The following GLRA1 variants were observed in gnomAD, a reference collection of about 807,000 sequenced individuals.
The protein encoded by GLRA1 is glycine receptor subunit alpha-1.
GLRA1 carries 37 observed loss-of-function variants against 48.3 expected under a neutral mutation model. The ratio of observed to expected loss-of-function variants is 0.77; its 90% CI spans 0.59 to 1.01. GLRA1 has a LOEUF of 1.01. Among genes scored for constraint, GLRA1 ranks in the 50% least tolerant of loss-of-function variants. The probability of loss-of-function intolerance (pLI) is 0.00; values close to 1 mark genes in which losing one functional copy is unlikely to be tolerated. For synonymous variants in GLRA1, 196 were observed against 210.7 expected (o/e 0.93, Z 0.60); for missense variants, 427 against 571.0 (o/e 0.75, Z 2.57).
intron 6 of GLRA1, among the ~76,000 whole-genome samples, chr5:151,854,617 C>A (rs1189947287): frequency 6.6e-6 from 1 of 152,206 alleles, no homozygotes; most frequent in Non-Finnish European, 1.5e-5. Context: ...GCAAGTGAAC[C>A]CTTTCTAGCT....
chr5:151,854,637 C>T (rs1752989225), intron 6 of GLRA1, among the ~76,000 whole-genome samples: 1 of 152,204 alleles, frequency 6.6e-6, no homozygotes, highest in African/African-American at 2.4e-5. Context: ...TATTTACTAA[C>T]CTTCAGTGAC....
chr5:151,914,019 C>G (rs1334725715), intron 1 of GLRA1, among the ~76,000 whole-genome samples: 1 of 152,202 alleles, frequency 6.6e-6, no homozygotes, highest in Non-Finnish European at 1.5e-5. Flanking sequence ...TCAAACATAT[C>G]TCCCTATGCT....
In GLRA1 at chr5:151,822,921, C is replaced by T; in HGVS notation, c.1102G>A (p.Gly368Arg). 2 of 1,612,458 alleles carry T rather than the reference C, an allele frequency of 1.2e-6. No homozygotes were observed. Among genetic ancestry groups the T allele is most frequent in the Non-Finnish European group, 1.7e-6 (2 of 1,178,766 alleles). ...GEGRFNFSAY[G>R]MGPACLQAKD... ...GCCTGTAGACAGGCTGGGCCCATCC[C>T]ATAGGCAGAGAAGTTAAAGCGGCCT... The change falls in exon 9 of 9, where the codon GGG becomes AGG. Residue 368 changes from glycine (G) to arginine (R), a missense_variant. By Grantham distance (125) the Gly-to-Arg change is moderately radical (BLOSUM62 -2). This residue lies in a region of GLRA1 where 4 missense variants were observed against 17.6 expected (regional missense o/e 0.23). Coordinates refer to ENST00000274576, the MANE Select transcript of GLRA1 (RefSeq NM_000171.4).
intron 3 of GLRA1, among the ~76,000 whole-genome samples, chr5:151,871,109 C>T (rs572599280): frequency 6.7e-6 from 1 of 149,572 alleles, no homozygotes; most frequent in African/African-American, 2.6e-5. Context: ...CTCATCACCC[C>T]ATGGTCTGCT....
intron 3 of GLRA1, among the ~76,000 whole-genome samples, chr5:151,865,655 A>G (rs1211087101): frequency 1.3e-5 from 2 of 152,248 alleles, no homozygotes; most frequent in Non-Finnish European, 2.9e-5. Context: ...GCAAGTTGTC[A>G]GTAAAAAATT....
chr5:151,850,135 TC>T, intron 7 of GLRA1: 1 of 1,604,014 alleles, frequency 6.2e-7, no homozygotes, highest in Non-Finnish European at 8.5e-7. Flanking sequence ...TCCAATGGCT[TC>T]CCAGGACCCC....
intron 1 of GLRA1, among the ~76,000 whole-genome samples, chr5:151,911,632 G>T (rs1240521077): frequency 3.3e-5 from 4 of 120,840 alleles, no homozygotes; most frequent in Admixed American, 9.2e-5. Context: ...TTGAGATGGA[G>T]TCTCACTCTT....
At chr5:151,831,695 C>T (rs576332256) in intron 7 of GLRA1, among the ~76,000 whole-genome samples, 2 of 152,194 alleles carry the variant, frequency 1.3e-5, no homozygotes, top group Non-Finnish European at 2.9e-5. Context: ...GACAAAGCAC[C>T]TGGGGGAAGG....
Position 151,849,401 on chromosome 5 carries a change from C to CTTTCA in GLRA1, c.912+1988_912+1989insTGAAA, listed in dbSNP as rs1561554977. 7.6e-3 allele frequency among the ~76,000 whole-genome samples: 58 copies of CTTTCA among 7,618 alleles called. 5 individuals are homozygous for CTTTCA. The highest frequency in any genetic ancestry group is 0.019 in the African/African-American group (31 of 1,634). 5.0% of individuals were successfully genotyped at this position (7,618 alleles called of 152,430 possible). On this transcript the variant is annotated intron_variant, in intron 7 of 8. Transcript: ENST00000274576. ...GTTTCCTTTCCTTTCCTTTCCTTTC[C>CTTTCA]TTTCCTTTCCTTTCCTTTCCTTTCC...
At chr5:151,885,888 A>C (rs904897620) in intron 3 of GLRA1, among the ~76,000 whole-genome samples, 2 of 152,182 alleles carry the variant, frequency 1.3e-5, no homozygotes, top group Admixed American at 6.5e-5. Context: ...GCAAGTTGGA[A>C]GCCAACGAGA....
At chr5:151,838,217 C>T (rs567963608) in intron 7 of GLRA1, among the ~76,000 whole-genome samples, 1 of 152,260 alleles carries the variant, frequency 6.6e-6, no homozygotes, top group Non-Finnish European at 1.5e-5. Flanking sequence ...CCTGTAATCC[C>T]AGCACTTTGG....
At chr5:151,829,942 T>A (rs1763383374) in intron 7 of GLRA1, among the ~76,000 whole-genome samples, 1 of 152,252 alleles carries the variant, frequency 6.6e-6, no homozygotes, top group African/African-American at 2.4e-5. Context: ...GTTTTATGGA[T>A]ATACAACATT....
chr5:151,890,652 A>G (rs1162920913), intron 2 of GLRA1, among the ~76,000 whole-genome samples: 2 of 152,232 alleles, frequency 1.3e-5, no homozygotes, highest in African/African-American at 2.4e-5. Context: ...ACAGCCATCA[A>G]CAAGAGCTGA....
At chr5:151,910,278 C>T (rs2113450719) in intron 1 of GLRA1, among the ~76,000 whole-genome samples, 1 of 152,296 alleles carries the variant, frequency 6.6e-6, no homozygotes, top group South Asian at 2.1e-4. Flanking sequence ...TACTCTCTGG[C>T]ATCCTCTTTT....
At chr5:151,852,788 A>G (rs192356579) in intron 6 of GLRA1, among the ~76,000 whole-genome samples, 1 of 152,358 alleles carries the variant, frequency 6.6e-6, no homozygotes, top group Admixed American at 6.5e-5. Context: ...GGGAGTGCAG[A>G]TATGTCTTTG....
intron 7 of GLRA1, among the ~76,000 whole-genome samples, chr5:151,845,066 A>G (rs1480622372): frequency 1.3e-5 from 2 of 152,194 alleles, no homozygotes; most frequent in African/African-American, 4.8e-5. Flanking sequence ...TGGGATACAT[A>G]TGCAGAACAT....
chr5:151,863,481 C>T (rs1000031723), intron 3 of GLRA1, among the ~76,000 whole-genome samples: 1 of 151,960 alleles, frequency 6.6e-6, no homozygotes, highest in Non-Finnish European at 1.5e-5. Flanking sequence ...ACATTGTAAA[C>T]CTGGAGTTCA....
intron 8 of GLRA1, among the ~76,000 whole-genome samples, chr5:151,828,416 A>G (rs375031828): frequency 3.0e-4 from 46 of 152,120 alleles, no homozygotes; most frequent in Non-Finnish European, 6.3e-4. Flanking sequence ...CCTTTATTCA[A>G]TCCCTCATAT....
chr5:151,850,552 C>T, intron 7 of GLRA1: 1 of 1,184,460 alleles, frequency 8.4e-7, no homozygotes, highest in East Asian at 2.3e-5. Flanking sequence ...CCAAGGGAGG[C>T]CTGGACAAAG....
Sources: allele counts gnomAD v4.1 joint callset (sites outside exome capture counted in the v4.1 genomes callset), GRCh38; gene constraint gnomAD v4.1.1; regional missense constraint gnomAD v4.1.1; transcripts MANE v1.5; gene names NCBI Gene and HGNC (gene_info 2026-07-23, HGNC 2026-07-21).